Variants in CTNNA3 observed in about 807,000 individuals in gnomAD.
CTNNA3 encodes catenin alpha-3.
CTNNA3 carries 76 observed loss-of-function variants against 95.7 expected under a neutral mutation model. That is an observed-to-expected ratio of 0.79 (90% confidence interval 0.66 to 0.96). CTNNA3 has a LOEUF of 0.96. Ranked by LOEUF, CTNNA3 falls within the 40% of genes least tolerant of loss-of-function variation. The pLI, the probability that CTNNA3 is intolerant of heterozygous loss-of-function variation, is 0.00. For synonymous variants in CTNNA3, 431 were observed against 374.4 expected, an observed-to-expected ratio of 1.15 and a Z score of -1.74; for missense variants, 1,191 against 1,089.8, an observed-to-expected ratio of 1.09 and a Z score of -1.31.
At chr10:67,550,875 GA>G (rs1841004849) in intron 3 of CTNNA3, among the ~76,000 whole-genome samples, 2 of 151,790 alleles carry the variant, frequency 1.3e-5, no homozygotes, top group African/African-American at 4.9e-5. Context: ...CTACTCCCAT[GA>G]AACTTACAGA....
At chr10:66,415,676 A>C (rs1420828880) in intron 11 of CTNNA3, among the ~76,000 whole-genome samples, 1 of 152,150 alleles carries the variant, frequency 6.6e-6, no homozygotes, top group Non-Finnish European at 1.5e-5. Context: ...GCAAAACTGC[A>C]CCAGAGCTTT....
At chr10:67,555,056 GA>G (rs1404616425) in intron 3 of CTNNA3, among the ~76,000 whole-genome samples, 3 of 152,124 alleles carry the variant, frequency 2.0e-5, no homozygotes, top group Non-Finnish European at 2.9e-5. Flanking sequence ...TCAAAGATCA[GA>G]ATATTGTACA....
intron 6 of CTNNA3, among the ~76,000 whole-genome samples, chr10:67,190,235 T>C (rs1863057476): frequency 6.6e-6 from 1 of 152,042 alleles, no homozygotes; most frequent in Admixed American, 6.6e-5. Flanking sequence ...TGAATCTATA[T>C]ATAATAGCTT....
intron 1 of CTNNA3, among the ~76,000 whole-genome samples, chr10:67,741,042 A>C (rs1407184132): frequency 6.6e-6 from 1 of 151,278 alleles, no homozygotes; most frequent in African/African-American, 2.4e-5. Flanking sequence ...CATCATTCTC[A>C]GTAAACTATC....
intron 7 of CTNNA3, among the ~76,000 whole-genome samples, chr10:66,958,772 C>G (rs1278684878): frequency 6.6e-6 from 1 of 152,100 alleles, no homozygotes; most frequent in Non-Finnish European, 1.5e-5. Flanking sequence ...GATTCTCACA[C>G]TCTTGCATTT....
chr10:66,289,389 C>T (rs2091642179), intron 12 of CTNNA3, among the ~76,000 whole-genome samples: 2 of 89,732 alleles, frequency 2.2e-5, no homozygotes, highest in Non-Finnish European at 4.7e-5. Flanking sequence ...ATTTATTTTT[C>T]CTGTATTTGA....
chr10:67,719,259 T>A (rs1032168039), intron 1 of CTNNA3, among the ~76,000 whole-genome samples: 14 of 152,166 alleles, frequency 9.2e-5, no homozygotes, highest in Non-Finnish European at 4.4e-5. Context: ...AGTTCCTGGA[T>A]TCATTGATTT....
chr10:66,997,482 C>G (rs1470383190), intron 7 of CTNNA3, among the ~76,000 whole-genome samples: 2 of 152,172 alleles, frequency 1.3e-5, no homozygotes, highest in Non-Finnish European at 2.9e-5. Context: ...ATATCTAGAA[C>G]AGTTTAAACC....
At chr10:67,497,309 C>A (rs1839058499) in intron 5 of CTNNA3, among the ~76,000 whole-genome samples, 1 of 152,176 alleles carries the variant, frequency 6.6e-6, no homozygotes, top group Non-Finnish European at 1.5e-5. Flanking sequence ...ATATGTGCCA[C>A]ATTTTCTTTA....
chr10:66,316,535 C>A (rs1260875722), intron 12 of CTNNA3, among the ~76,000 whole-genome samples: 2 of 151,986 alleles, frequency 1.3e-5, no homozygotes, highest in Admixed American at 6.6e-5. Context: ...TCACACACAG[C>A]AAGTACTAAA....
chr10:67,307,928 A>G (rs909937009), intron 5 of CTNNA3, among the ~76,000 whole-genome samples: 22 of 152,292 alleles, frequency 1.4e-4, no homozygotes, highest in African/African-American at 5.3e-4. Flanking sequence ...ACACAAAAAG[A>G]AAGAGTCTTA....
intron 3 of CTNNA3, among the ~76,000 whole-genome samples, chr10:67,591,408 A>G (rs1408176568): frequency 1.3e-5 from 2 of 152,186 alleles, no homozygotes; most frequent in African/African-American, 4.8e-5. Context: ...AGAGAGCCAT[A>G]TTACACAAAT....
intron 9 of CTNNA3, among the ~76,000 whole-genome samples, chr10:66,672,474 G>T (rs1006089586): frequency 2.6e-5 from 4 of 152,024 alleles, no homozygotes; most frequent in African/African-American, 9.7e-5. Context: ...AGATGAAAAT[G>T]GTATCATGAG....
chr10:67,646,018 G>A lies in CTNNA3; in HGVS notation c.99+1397C>T, dbSNP rs1839695538. ...ATTCTTTAATATTACAAAGTACAAA[G>A]ATGATAAAAATCTCCCACAACTTTA... On this transcript the variant is annotated intron_variant, in intron 2 of 17. Coordinates refer to ENST00000433211, the MANE Select transcript of CTNNA3 (RefSeq NM_013266.4). Among the ~76,000 whole-genome samples the A allele has an allele frequency of 4.0e-5, 6 of 148,746 alleles. No individual in the cohort carries two copies. The Admixed American group carries it at 4.0e-4, about 10-fold the overall frequency.
At chr10:66,749,022 A>T (rs79679238) in intron 9 of CTNNA3, among the ~76,000 whole-genome samples, 1 of 151,206 alleles carries the variant, frequency 6.6e-6, no homozygotes, top group Non-Finnish European at 1.5e-5. Flanking sequence ...AAAAAAAAAA[A>T]TACAAAATTA....
intron 1 of CTNNA3, 48 bp from the exon 2 acceptor site, chr10:67,647,566 C>T: frequency 6.8e-7 from 1 of 1,465,798 alleles, no homozygotes; most frequent in Non-Finnish European, 9.5e-7. Context: ...AAACTGTTTT[C>T]TAAAGAAGAA....
At chr10:67,180,636 GT>G in intron 6 of CTNNA3, 116 bp from the exon 7 acceptor site, 1 of 788,180 alleles carries the variant, frequency 1.3e-6, no homozygotes, top group Non-Finnish European at 2.1e-6. Flanking sequence ...AGAGAACTGT[GT>G]TTTACTGCCT....
chr10:67,405,878 T>C (rs2132821423), intron 5 of CTNNA3, among the ~76,000 whole-genome samples: 1 of 152,224 alleles, frequency 6.6e-6, no homozygotes, highest in Admixed American at 6.5e-5. Flanking sequence ...GCAATCAAAT[T>C]AGAAATCAAG....
intron 5 of CTNNA3, among the ~76,000 whole-genome samples, chr10:67,374,423 G>A (rs1267601898): frequency 3.4e-5 from 1 of 29,030 alleles, no homozygotes; most frequent in African/African-American, 4.8e-5. Context: ...TAAAAAAATT[G>A]GATAACGAAT....
Sources: gnomAD v4.1 joint callset for allele counts (sites outside exome capture counted in the v4.1 genomes callset) on GRCh38, gnomAD v4.1.1 for gene constraint, MANE v1.5 for transcripts, NCBI Gene and HGNC (gene_info 2026-07-23, HGNC 2026-07-21) for gene names.